BFSP1: variants seen among roughly 807,000 people sequenced by gnomAD.
BFSP1 encodes the protein filensin.
Under a neutral mutation model 43.9 loss-of-function variants are expected in BFSP1, and 38 were observed. The observed-to-expected ratio is 0.87, with a 90% CI of 0.67 to 1.14. The LOEUF (loss-of-function observed/expected upper bound fraction) is 1.14. Among genes scored for constraint, BFSP1 ranks in the 50% most tolerant of loss-of-function variants. BFSP1 has a pLI of 0.00. For synonymous variants in BFSP1, 352 were observed against 354.8 expected (o/e 0.99, Z 0.09); for missense variants, 850 against 875.1 (o/e 0.97, Z 0.36).
intron 2 of BFSP1, among the ~76,000 whole-genome samples, chr20:17,523,886 G>T (rs1052939940): frequency 9.2e-5 from 14 of 152,022 alleles, no homozygotes; most frequent in African/African-American, 3.4e-4. Context: ...ACAAAGTGAA[G>T]GGATGGCAAA....
At chr20:17,566,010 C>T (rs1442235414) in intron 1 of BFSP1, among the ~76,000 whole-genome samples, 1 of 150,580 alleles carries the variant, frequency 6.6e-6, no homozygotes, top group Non-Finnish European at 1.5e-5. Flanking sequence ...CCCAGCTACT[C>T]GGGAGGCTGA....
intron 1 of BFSP1, among the ~76,000 whole-genome samples, chr20:17,551,848 G>A (rs891478418): frequency 2.0e-5 from 3 of 152,076 alleles, no homozygotes; most frequent in African/African-American, 7.2e-5. Flanking sequence ...AGCTGGGCAT[G>A]GTGGCGGGCA....
intron 2 of BFSP1, among the ~76,000 whole-genome samples, chr20:17,518,929 G>A (rs530120886): frequency 1.3e-5 from 2 of 152,260 alleles, no homozygotes; most frequent in Non-Finnish European, 2.9e-5. Context: ...CAGTGTTCCC[G>A]GACGCATCCC....
chr20:17,540,660 A>G (rs1349420181), intron 1 of BFSP1, among the ~76,000 whole-genome samples: 1 of 151,914 alleles, frequency 6.6e-6, no homozygotes. Flanking sequence ...ATCCTTCTCC[A>G]TGCCTCTCTA....
intron 1 of BFSP1, among the ~76,000 whole-genome samples, chr20:17,567,616 C>T (rs1260870243): frequency 6.6e-6 from 1 of 152,094 alleles, no homozygotes; most frequent in Non-Finnish European, 1.5e-5. Context: ...AATCTCAGCA[C>T]TTTGGGAGGC....
At chr20:17,519,046 T>G (rs527649329) in intron 2 of BFSP1, among the ~76,000 whole-genome samples, 6 of 152,040 alleles carry the variant, frequency 3.9e-5, no homozygotes, top group Non-Finnish European at 7.4e-5. Flanking sequence ...TGCAGGAGTA[T>G]TGGGTGGATG....
chr20:17,519,895 C>T (rs918126344), intron 2 of BFSP1, among the ~76,000 whole-genome samples: 1 of 152,122 alleles, frequency 6.6e-6, no homozygotes, highest in Non-Finnish European at 1.5e-5. Context: ...CTTTTGTTTG[C>T]GCCAGAACTC....
chr20:17,559,637 C>T (rs551376727), upstream of BFSP1, among the ~76,000 whole-genome samples: 97 of 152,270 alleles, frequency 6.4e-4, no homozygotes, highest in African/African-American at 2.3e-3. Flanking sequence ...GTGAGCATGA[C>T]CACCTGAGCT....
At chr20:17,563,289 GGA>G (rs1436453091), upstream of BFSP1, among the ~76,000 whole-genome samples, 1 of 152,184 alleles carries the variant, frequency 6.6e-6, no homozygotes, top group Admixed American at 6.5e-5. Flanking sequence ...TGAGATAAAA[GGA>G]GAAATCCTAT....
exon 1 of BFSP1, chr20:17,558,835 A>C (rs756161733): frequency 1.4e-5 from 18 of 1,257,524 alleles, no homozygotes; most frequent in African/African-American, 3.0e-5. Flanking sequence ...CTGAGAAAGA[A>C]AGGAGGCTTT....
At chr20:17,497,669 T>C (rs2033688257) in intron 6 of BFSP1, among the ~76,000 whole-genome samples, 1 of 150,764 alleles carries the variant, frequency 6.6e-6, no homozygotes, top group African/African-American at 2.4e-5. Flanking sequence ...TATATACGTA[T>C]ATACATATAT....
At chr20:17,540,556 G>A (rs932697025) in intron 1 of BFSP1, among the ~76,000 whole-genome samples, 4 of 152,204 alleles carry the variant, frequency 2.6e-5, no homozygotes, top group Admixed American at 2.6e-4. Context: ...ATCTTCACTA[G>A]ACTGCAGCTC....
Position 17,558,575 on chromosome 20 carries a change from T to C in BFSP1, c.2+113A>G, listed in dbSNP as rs115410020. On this transcript the variant is annotated intron_variant, in intron 1 of 7. Transcript: ENST00000377868. ...ATTTCCATGAGTCATAAAACAAATG[T>C]GCAACCCGCTTGCTGTACCTTCTAC... 3.8e-4 allele frequency: 459 copies of C among 1,196,676 alleles called. No individual in the cohort carries two copies. In the African/African-American group the frequency reaches 6.3e-3, roughly 16 times the overall value. 74.1% of individuals were successfully genotyped at this position (1,196,676 alleles called of 1,614,324 possible).
chr20:17,514,677 A>C, intron 3 of BFSP1, 44 bp downstream of exon 3: 1 of 1,591,536 alleles, frequency 6.3e-7, no homozygotes, highest in Non-Finnish European at 8.6e-7. Context: ...GATCAAACCC[A>C]AACTGGGTTT....
In BFSP1 at chr20:17,525,713, A is replaced by G. The variant is rs1643569898; in HGVS notation, c.378-805T>C. ...AATGACCCCTCCCCTTGTTCCCTAT[A>G]AGGTGACCCCCAAATGCCCATTCTT... On this transcript the variant is annotated intron_variant, in intron 1 of 7. Coordinates refer to ENST00000377873, the MANE Select transcript of BFSP1 (RefSeq NM_001195.5). This position sits in a 1 kb window ranked among gnomAD's most constrained non-coding sequence, Gnocchi z 4.2. Among the ~76,000 whole-genome samples the G allele has an allele frequency of 6.6e-6, 1 of 152,072 alleles. No homozygotes were observed. Among genetic ancestry groups the G allele is most frequent in the Non-Finnish European group, 1.5e-5 (1 of 67,988 alleles).
At chr20:17,556,526 T>A (rs1157336391) in intron 1 of BFSP1, among the ~76,000 whole-genome samples, 1 of 151,892 alleles carries the variant, frequency 6.6e-6, no homozygotes, top group Non-Finnish European at 1.5e-5. Flanking sequence ...AAAATAATAA[T>A]AAAAAAACAC....
intron 6 of BFSP1, among the ~76,000 whole-genome samples, chr20:17,497,574 ATATATACGTATATATATACG>A (rs1568679637): frequency 5.0e-4 from 12 of 24,098 alleles, no homozygotes; most frequent in African/African-American, 8.7e-4. Context: ...GTGTATATGT[ATATATACGTATATATATACG>A]TGTATATATA....
intron 1 of BFSP1, among the ~76,000 whole-genome samples, chr20:17,553,118 A>G (rs1234243024): frequency 2.0e-5 from 3 of 152,220 alleles, no homozygotes; most frequent in African/African-American, 7.2e-5. Flanking sequence ...AGGACCAGAT[A>G]GGTAGGTGGA....
At chr20:17,512,101 G>A in intron 3 of BFSP1, 33 bp from the exon 4 acceptor site, 1 of 1,539,568 alleles carries the variant, frequency 6.5e-7, no homozygotes, top group South Asian at 1.1e-5. Flanking sequence ...CTCATTATAA[G>A]TTGAGCTGCG....
Sources: allele counts gnomAD v4.1 joint callset (sites outside exome capture counted in the v4.1 genomes callset), GRCh38; gene constraint gnomAD v4.1.1; non-coding constraint Gnocchi (gnomAD v3.1); transcripts MANE v1.5; gene names NCBI Gene and HGNC (gene_info 2026-07-23, HGNC 2026-07-21).